MYH11: variants seen among roughly 807,000 people sequenced by gnomAD.
The protein encoded by MYH11 is myosin-11.
Under a neutral mutation model 246.6 loss-of-function variants are expected in MYH11, and 80 were observed. The ratio of observed to expected loss-of-function variants is 0.32; its 90% confidence interval spans 0.27 to 0.39. The LOEUF is 0.39. Among genes scored for constraint, MYH11 ranks in the 10% least tolerant of loss-of-function variants. The pLI is 1.00. For synonymous variants in MYH11, 1,071 were observed against 1,015.5 expected, an observed-to-expected ratio of 1.05 and a Z score of -1.04; for missense variants, 2,158 against 2,546.8, an observed-to-expected ratio of 0.85 and a Z score of 3.29.
intron 2 of MYH11, among the ~76,000 whole-genome samples, chr16:15,837,536 T>C (rs2043930060): frequency 1.1e-5 from 1 of 87,974 alleles, no homozygotes; most frequent in Non-Finnish European, 2.1e-5. Context: ...GCCTCCCATT[T>C]CCTTTTTTTT....
At chr16:15,704,359 G>T (rs1596662225) in intron 40 of MYH11, among the ~76,000 whole-genome samples, 1 of 152,148 alleles carries the variant, frequency 6.6e-6, no homozygotes, top group East Asian at 1.9e-4. Flanking sequence ...GGTTGCGGGG[G>T]TGGGTGGAGA....
At chr16:15,753,541 G>T (rs1162226275) in intron 14 of MYH11, 33 bp from the exon 15 acceptor site, 1 of 1,564,996 alleles carries the variant, frequency 6.4e-7, no homozygotes, top group Non-Finnish European at 8.8e-7. Flanking sequence ...CAGAACCCCT[G>T]GGAAACTAGA....
intron 40 of MYH11, chr16:15,712,895 T>TTTTTTTTTTTTA (rs1567680276): frequency 2.7e-5 from 4 of 148,746 alleles, no homozygotes; most frequent in African/African-American, 1.0e-4. Flanking sequence ...TTTTTTTTTT[T>TTTTTTTTTTTTA]GAGACCGAGT....
At chr16:15,815,735 T>C (rs2043247342) in intron 3 of MYH11, among the ~76,000 whole-genome samples, 1 of 152,172 alleles carries the variant, frequency 6.6e-6, no homozygotes, top group Middle Eastern at 3.4e-3. Context: ...TCATCCTGAA[T>C]AGGGGTACAA....
intron 2 of MYH11, among the ~76,000 whole-genome samples, chr16:15,832,627 C>A (rs1291064559): frequency 6.6e-6 from 1 of 152,172 alleles, no homozygotes; most frequent in Non-Finnish European, 1.5e-5. Flanking sequence ...AAAATCACTC[C>A]TCTGTGTTAG....
At chr16:15,825,814 A>G (rs1218691005) in intron 2 of MYH11, among the ~76,000 whole-genome samples, 1 of 151,968 alleles carries the variant, frequency 6.6e-6, no homozygotes, top group African/African-American at 2.4e-5. Flanking sequence ...AGATTTTCCC[A>G]TGGTTGAGGT....
In MYH11 at chr16:15,703,144, A is replaced by G. The variant is rs1302264398; in HGVS notation, c.*847T>C. On this transcript the variant is annotated 3_prime_UTR_variant, in exon 41 of 41. Coordinates refer to ENST00000300036, the MANE Select transcript of MYH11 (RefSeq NM_002474.3). ...AGAAAAGCCAACGACATTGTGATTT[A>G]TAACCATTTATTAGTGAAAGTGTTT... is the stretch of plus-strand genomic sequence containing the variant. The G allele has an allele frequency of 1.1e-5, 2 of 185,902 alleles. No homozygotes were observed. Among genetic ancestry groups the G allele is most frequent in the East Asian group, 1.7e-4 (2 of 11,540 alleles). 11.5% of individuals were successfully genotyped at this position (185,902 alleles called of 1,614,324 possible).
At chr16:15,725,670 GAAA>G (rs771295408) in intron 28 of MYH11, 2 of 398,798 alleles carry the variant, frequency 5.0e-6, no homozygotes, top group Admixed American at 4.4e-5. Context: ...CTGCATGTGA[GAAA>G]AAAACATCTC....
At chr16:15,850,579 T>C (rs758519753) in intron 1 of MYH11, among the ~76,000 whole-genome samples, 1 of 152,092 alleles carries the variant, frequency 6.6e-6, no homozygotes, top group Admixed American at 6.5e-5. Context: ...CCAGACCAGA[T>C]GTTAGAGTAT....
chr16:15,763,743 C>CCT, intron 10 of MYH11, 53 bp downstream of exon 10: 1 of 582,096 alleles, frequency 1.7e-6, no homozygotes, highest in Non-Finnish European at 3.3e-6. Flanking sequence ...ATGTCACCTC[C>CCT]CCCACCCCCC....
Position 15,747,888 on chromosome 16 carries a change from C to T in MYH11, c.2236G>A (p.Ala746Thr). 1.9e-6 allele frequency: 3 copies of T among 1,613,838 alleles called. No individual in the cohort carries two copies. The highest frequency in any genetic ancestry group is 2.5e-6 in the Non-Finnish European group (3 of 1,179,986). Residue 746 changes from alanine to threonine, a missense_variant, in exon 18 of 41, where the codon GCC (alanine) becomes ACC (threonine). This residue lies in a region of MYH11 where 56 missense variants were observed against 47.2 expected (regional missense o/e 1.19). Transcript: ENST00000300036. The part of the protein sequence containing the change: ...IPKGFMDGKQ[A>T]CILMIKALEL... Reference sequence around the variant, plus strand: ...TCTGGGCTCACCATGAGAATGCAGGCCTGCTTCCCGTCCATGAAGCCTTTG... The same window carrying T: ...TCTGGGCTCACCATGAGAATGCAGGTCTGCTTCCCGTCCATGAAGCCTTTG...
intron 20 of MYH11, chr16:15,742,122 C>T: frequency 3.2e-6 from 2 of 627,952 alleles, no homozygotes; most frequent in Admixed American, 2.4e-5. Context: ...CACAGGACAG[C>T]CCCCACAACA....
chr16:15,831,791 T>C (rs2043746573), intron 2 of MYH11, among the ~76,000 whole-genome samples: 1 of 151,832 alleles, frequency 6.6e-6, no homozygotes, highest in Non-Finnish European at 1.5e-5. Flanking sequence ...ATACAAAAAT[T>C]AGCTGGGCGT....
At chr16:15,810,495 G>A (rs901493035) in intron 3 of MYH11, among the ~76,000 whole-genome samples, 4 of 152,124 alleles carry the variant, frequency 2.6e-5, no homozygotes, top group East Asian at 1.9e-4. Context: ...TGTAAAGACT[G>A]AGCCAGCCAG....
chr16:15,729,161 A>G (rs1224125886), intron 27 of MYH11, among the ~76,000 whole-genome samples: 2 of 151,918 alleles, frequency 1.3e-5, no homozygotes, highest in South Asian at 2.1e-4. Flanking sequence ...CGGGGACCCT[A>G]GGGGACATGG....
At chr16:15,850,289 G>A (rs759100460) in intron 1 of MYH11, among the ~76,000 whole-genome samples, 1 of 152,204 alleles carries the variant, frequency 6.6e-6, no homozygotes, top group Non-Finnish European at 1.5e-5. Flanking sequence ...GGAGGCTGAG[G>A]AAGGAGAATC....
intron 20 of MYH11, among the ~76,000 whole-genome samples, chr16:15,742,527 A>G (rs192816644): frequency 6.6e-6 from 1 of 152,214 alleles, no homozygotes; most frequent in Admixed American, 6.5e-5. Context: ...GCTTGAGCCC[A>G]GGAGTTTGGG....
chr16:15,815,735 T>A (rs2043247342), intron 3 of MYH11, among the ~76,000 whole-genome samples: 1 of 152,054 alleles, frequency 6.6e-6, no homozygotes, highest in African/African-American at 2.4e-5. Context: ...TCATCCTGAA[T>A]AGGGGTACAA....
chr16:15,828,370 C>T lies in MYH11; in HGVS notation c.346-4959G>A, dbSNP rs2043627723. Among the ~76,000 whole-genome samples, 5 of 152,308 alleles carry T rather than the reference C, an allele frequency of 3.3e-5. No individual in the cohort carries two copies. In the South Asian group the frequency reaches 1.0e-3, roughly 32 times the overall value. On this transcript the variant is annotated intron_variant, in intron 2 of 40. Coordinates refer to ENST00000300036, the MANE Select transcript of MYH11 (RefSeq NM_002474.3). ...TTGCCACCTTAGAGCCTTCAATATG[C>T]TGTTCTCTCCACTTGGAACACTTTT...
Sources: allele counts gnomAD v4.1 joint callset (sites outside exome capture counted in the v4.1 genomes callset), GRCh38; gene constraint gnomAD v4.1.1; regional missense constraint gnomAD v4.1.1; transcripts MANE v1.5; gene names NCBI Gene and HGNC (gene_info 2026-07-23, HGNC 2026-07-21).